Variants in TOX observed in about 807,000 individuals in gnomAD.
TOX encodes the protein thymocyte selection-associated high mobility group box protein TOX.
A neutral mutation model predicts 53.7 loss-of-function variants in TOX; 11 were observed. That is an observed-to-expected ratio of 0.20 (90% CI 0.13 to 0.34). The LOEUF (loss-of-function observed/expected upper bound fraction) is 0.34. Among genes scored for constraint, TOX ranks in the 10% least tolerant of loss-of-function variants. TOX has a pLI of 1.00. For synonymous variants in TOX, 225 were observed against 245.3 expected (o/e 0.92, Z 0.77); for missense variants, 570 against 664.6 (o/e 0.86, Z 1.56).
At chr8:59,051,451 G>T (rs1563430480) in intron 1 of TOX, among the ~76,000 whole-genome samples, 1 of 152,078 alleles carries the variant, frequency 6.6e-6, no homozygotes, top group Non-Finnish European at 1.5e-5. Flanking sequence ...TTTCATTTTA[G>T]TTTAAAATTG....
intron 1 of TOX, among the ~76,000 whole-genome samples, chr8:58,966,157 G>A (rs1449281923): frequency 6.6e-6 from 1 of 152,054 alleles, no homozygotes. Flanking sequence ...AGGAAGAGGT[G>A]TCTATTTATC....
intron 1 of TOX, among the ~76,000 whole-genome samples, chr8:58,987,297 C>A (rs944143038): frequency 6.6e-6 from 1 of 152,170 alleles, no homozygotes; most frequent in Admixed American, 6.5e-5. Context: ...GCCTTCCCCC[C>A]AGCACTGTGA....
chr8:59,054,655 A>G (rs867845138), intron 1 of TOX, among the ~76,000 whole-genome samples: 67 of 152,266 alleles, frequency 4.4e-4, no homozygotes, highest in Admixed American at 2.4e-3. Context: ...GACTCGTTAC[A>G]ACTTTGAAAA....
At chr8:59,040,862 T>TTCCTGGC (rs1409928911) in intron 1 of TOX, among the ~76,000 whole-genome samples, 3 of 152,200 alleles carry the variant, frequency 2.0e-5, no homozygotes, top group East Asian at 3.9e-4. Context: ...TGGTCCTTTC[T>TTCCTGGC]TCCTGGCTCC....
At chr8:58,907,694 C>A (rs1294769558) in intron 3 of TOX, among the ~76,000 whole-genome samples, 4 of 152,126 alleles carry the variant, frequency 2.6e-5, no homozygotes, top group Non-Finnish European at 5.9e-5. Flanking sequence ...GAATTGGACC[C>A]CACATCCGCC....
intron 1 of TOX, among the ~76,000 whole-genome samples, chr8:59,065,939 G>C (rs1165630863): frequency 6.6e-6 from 1 of 152,086 alleles, no homozygotes; most frequent in Non-Finnish European, 1.5e-5. Context: ...TTACCATGAC[G>C]GTTTGATTGA....
chr8:59,066,717 G>T (rs1804100764), intron 1 of TOX, among the ~76,000 whole-genome samples: 1 of 152,126 alleles, frequency 6.6e-6, no homozygotes, highest in South Asian at 2.1e-4. Context: ...TAGTATGAAG[G>T]CCATTTAAAC....
At chr8:59,086,372 C>G (rs187479274) in intron 1 of TOX, among the ~76,000 whole-genome samples, 1 of 152,096 alleles carries the variant, frequency 6.6e-6, no homozygotes, top group African/African-American at 2.4e-5. Flanking sequence ...AACTCCATAC[C>G]CATTTTTACC....
At chr8:59,028,116 A>C (rs1814278533) in intron 1 of TOX, among the ~76,000 whole-genome samples, 1 of 152,212 alleles carries the variant, frequency 6.6e-6, no homozygotes, top group Non-Finnish European at 1.5e-5. Context: ...AATAGCAGTG[A>C]GCTCCCCTTA....
intron 3 of TOX, among the ~76,000 whole-genome samples, chr8:58,929,301 G>A (rs899946711): frequency 1.3e-5 from 2 of 152,032 alleles, no homozygotes; most frequent in Non-Finnish European, 2.9e-5. Flanking sequence ...GTCAAATCTA[G>A]TATTTTAATG....
chr8:59,058,092 A>G (rs556575746), intron 1 of TOX, among the ~76,000 whole-genome samples: 1 of 152,344 alleles, frequency 6.6e-6, no homozygotes, highest in East Asian at 1.9e-4. Flanking sequence ...TTTACTTATT[A>G]TTTGAAAGCT....
At chr8:59,040,044 C>T (rs986508250) in intron 1 of TOX, among the ~76,000 whole-genome samples, 5 of 152,106 alleles carry the variant, frequency 3.3e-5, no homozygotes, top group Non-Finnish European at 5.9e-5. Context: ...TTCTAAGAAG[C>T]ATCGGCCGGG....
intron 1 of TOX, among the ~76,000 whole-genome samples, chr8:58,973,337 T>C (rs1464409604): frequency 1.3e-5 from 2 of 151,564 alleles, no homozygotes; most frequent in African/African-American, 4.9e-5. Context: ...GCTAATGTGG[T>C]TTCTCAAAAT....
chr8:59,077,396 T>C (rs1291852405), intron 1 of TOX, among the ~76,000 whole-genome samples: 3 of 152,150 alleles, frequency 2.0e-5, no homozygotes, highest in African/African-American at 4.8e-5. Flanking sequence ...GTTTAGAGTG[T>C]CTTCTTAGGT....
At chr8:58,959,897 G>C (rs778166541) in intron 2 of TOX, 46 bp downstream of exon 2, 22 of 1,597,024 alleles carry the variant, frequency 1.4e-5, no homozygotes, top group Non-Finnish European at 1.8e-5. Flanking sequence ...CTTTGAATTT[G>C]TTTAATTACA....
intron 1 of TOX, among the ~76,000 whole-genome samples, chr8:59,069,037 T>C (rs1431898684): frequency 1.3e-5 from 2 of 152,032 alleles, no homozygotes; most frequent in Non-Finnish European, 2.9e-5. Flanking sequence ...TTCAAGGGCA[T>C]AGTGCATGCA....
At chr8:58,889,212 CA>C (rs10556451) in intron 3 of TOX, among the ~76,000 whole-genome samples, 34,405 of 112,626 alleles carry the variant, frequency 0.31, 3,396 homozygotes, top group East Asian at 0.64. Flanking sequence ...TTTACAATAG[CA>C]AAAAAAAAAA....
Position 58,842,421 on chromosome 8 carries a change from C to T in TOX, c.694-4110G>A, listed in dbSNP as rs113403363. Among the ~76,000 whole-genome samples the T allele has an allele frequency of 2.9e-3, 447 of 152,252 alleles. 4 individuals are homozygous for T. Among genetic ancestry groups the T allele is most frequent in the African/African-American group, 0.01 (426 of 41,552 alleles). ...TGGGATGACACAGCAAGAAGGCTCT[C>T]GCCAAGGGCCTCTTGAGCCTCTAGA... On this transcript the variant is annotated intron_variant, in intron 4 of 8. Transcript: ENST00000361421.
chr8:58,873,636 T>C (rs988539191), intron 3 of TOX, among the ~76,000 whole-genome samples: 10 of 152,152 alleles, frequency 6.6e-5, no homozygotes, highest in Admixed American at 6.6e-4. Flanking sequence ...ATCTCATGTG[T>C]GTCAATCAAA....
Sources: gnomAD v4.1 joint callset for allele counts (sites outside exome capture counted in the v4.1 genomes callset) on GRCh38, gnomAD v4.1.1 for gene constraint, MANE v1.5 for transcripts, NCBI Gene and HGNC (gene_info 2026-07-23, HGNC 2026-07-21) for gene names.